Variants in CHRM3 observed in about 807,000 individuals in gnomAD.
The protein encoded by CHRM3 is cholinergic receptor muscarinic 3, also known as muscarinic acetylcholine receptor M3.
In CHRM3, 11 loss-of-function variants were observed where a neutral mutation model predicts 41.8. That is an observed-to-expected ratio of 0.26 (90% CI 0.17 to 0.44). The LOEUF (loss-of-function observed/expected upper bound fraction) is 0.44, where lower values mean the gene tolerates loss of function less well. Ranked by LOEUF, CHRM3 falls within the 20% of genes least tolerant of loss-of-function variation. The pLI is 1.00. For missense variants in CHRM3, 571 were observed against 745.4 expected, an observed-to-expected ratio of 0.77 and a Z score of 2.72; for synonymous variants, 297 against 301.4, an observed-to-expected ratio of 0.99 and a Z score of 0.15.
At chr1:239,551,311 C>T (rs1365821349) in intron 3 of CHRM3, among the ~76,000 whole-genome samples, 2 of 151,414 alleles carry the variant, frequency 1.3e-5, no homozygotes, top group Non-Finnish European at 1.5e-5. Context: ...TACAGCCATG[C>T]ACCACCACGC....
At chr1:239,790,436 C>T (rs1461246625) in intron 5 of CHRM3, among the ~76,000 whole-genome samples, 2 of 152,166 alleles carry the variant, frequency 1.3e-5, no homozygotes. Context: ...GAATAAATCT[C>T]ATGAGATCTG....
At chr1:239,652,316 G>C (rs776353065) in intron 4 of CHRM3, among the ~76,000 whole-genome samples, 2 of 152,116 alleles carry the variant, frequency 1.3e-5, no homozygotes, top group African/African-American at 4.8e-5. Context: ...TGTCATTGAG[G>C]TTAGAAATGT....
intron 5 of CHRM3, among the ~76,000 whole-genome samples, chr1:239,689,177 C>A (rs933910326): frequency 2.0e-5 from 3 of 151,808 alleles, no homozygotes; most frequent in South Asian, 4.2e-4. Context: ...TTTTCAATAA[C>A]AATTAGAGTA....
chr1:239,493,070 G>A (rs1397497515), intron 2 of CHRM3, among the ~76,000 whole-genome samples: 1 of 152,316 alleles, frequency 6.6e-6, no homozygotes, highest in Non-Finnish European at 1.5e-5. Context: ...GACTGTAGCT[G>A]AACTGAAGTT....
chr1:239,900,167 TGA>T (rs1489717383), intron 6 of CHRM3, among the ~76,000 whole-genome samples: 1 of 152,160 alleles, frequency 6.6e-6, no homozygotes, highest in Non-Finnish European at 1.5e-5. Context: ...TGAGTCAGGA[TGA>T]GGAAGGAATA....
chr1:239,852,211 G>C (rs1164701494), intron 6 of CHRM3, among the ~76,000 whole-genome samples: 2 of 152,062 alleles, frequency 1.3e-5, no homozygotes, highest in Non-Finnish European at 2.9e-5. Context: ...TTTGGGAAAG[G>C]ATTTAAAAGA....
At chr1:239,782,466 G>A (rs974483389) in intron 5 of CHRM3, among the ~76,000 whole-genome samples, 1 of 151,918 alleles carries the variant, frequency 6.6e-6, no homozygotes, top group Admixed American at 6.6e-5. Context: ...CTCCTCTCTC[G>A]ATTATGATTT....
At chr1:239,469,608 A>G (rs1352389736) in intron 1 of CHRM3, among the ~76,000 whole-genome samples, 1 of 152,008 alleles carries the variant, frequency 6.6e-6, no homozygotes, top group Admixed American at 6.6e-5. Context: ...CCAGGCTGGA[A>G]TGCAATGGCA....
chr1:239,724,524 T>A (rs1328976703), intron 5 of CHRM3, among the ~76,000 whole-genome samples: 1 of 151,958 alleles, frequency 6.6e-6, no homozygotes, highest in Non-Finnish European at 1.5e-5. Context: ...AAAATGCATA[T>A]ATCAGTAGGG....
At chr1:239,737,214 A>G (rs568730139) in intron 5 of CHRM3, among the ~76,000 whole-genome samples, 1 of 152,160 alleles carries the variant, frequency 6.6e-6, no homozygotes, top group Non-Finnish European at 1.5e-5. Context: ...TTTTCATCCC[A>G]CATTTTAATA....
At chr1:239,603,406 T>C (rs569140967) in intron 3 of CHRM3, among the ~76,000 whole-genome samples, 18 of 152,250 alleles carry the variant, frequency 1.2e-4, no homozygotes, top group African/African-American at 4.1e-4. Context: ...CATTCAGTGA[T>C]AGGCAAGGTC....
At position 239,907,196 on chromosome 1, in the gene CHRM3, A is replaced by G. The variant is rs1386181889; in HGVS notation, c.-19-237A>G. 6.6e-6 allele frequency among the ~76,000 whole-genome samples: 1 copy of G among 152,214 alleles called. No homozygotes were observed. Among genetic ancestry groups the G allele is most frequent in the Non-Finnish European group, 1.5e-5 (1 of 68,028 alleles). On this transcript the variant is annotated intron_variant, in intron 6 of 6. Coordinates refer to ENST00000676153, the MANE Select transcript of CHRM3 (RefSeq NM_001375978.1). The surrounding 1 kb of genome is among the most constrained non-coding windows in gnomAD (Gnocchi z 5.4). ...TATTTAGAAATGAGAAAAATGTGGG[A>G]AAAAAGCACAATGTTCAGTGCATGC...
chr1:239,707,103 C>G (rs910154091), intron 5 of CHRM3: 4 of 152,130 alleles, frequency 2.6e-5, no homozygotes, highest in African/African-American at 9.7e-5. Context: ...AATGAACGAA[C>G]CTTACAGACT....
At chr1:239,436,042 A>G (rs1663240148) in intron 1 of CHRM3, among the ~76,000 whole-genome samples, 1 of 152,158 alleles carries the variant, frequency 6.6e-6, no homozygotes, top group Admixed American at 6.5e-5. Context: ...GTGGAAGACA[A>G]TGTGAATAAT....
chr1:239,620,203 A>C (rs1308383402), intron 3 of CHRM3, among the ~76,000 whole-genome samples: 1 of 152,130 alleles, frequency 6.6e-6, no homozygotes, highest in Non-Finnish European at 1.5e-5. Flanking sequence ...GTTTTTACTC[A>C]ATATGACAGA....
At chr1:239,772,390 A>G (rs185677000) in intron 5 of CHRM3, among the ~76,000 whole-genome samples, 1,628 of 152,280 alleles carry the variant, frequency 0.011, 18 homozygotes, top group Non-Finnish European at 0.017. Context: ...ACCTCAGGTG[A>G]TCCGGCCACC....
intron 1 of CHRM3, among the ~76,000 whole-genome samples, chr1:239,482,299 G>T (rs565621389): frequency 1.5e-4 from 22 of 151,522 alleles, no homozygotes; most frequent in African/African-American, 5.3e-4. Flanking sequence ...ACTTTTTTTT[G>T]AAACTTCTGT....
intron 1 of CHRM3, among the ~76,000 whole-genome samples, chr1:239,403,774 A>C (rs886969552): frequency 6.6e-6 from 1 of 151,952 alleles, no homozygotes; most frequent in Non-Finnish European, 1.5e-5. Flanking sequence ...CGTATACATC[A>C]TAATCATATG....
rs529078218 is a variant in CHRM3, at chr1:239,834,471, C to T, written c.-20+7093C>T. Reference sequence around the variant, plus strand: ...TAGGGGACTTACTTATTCTCTCTCTCCCTGCACCATAGACCTTTAGGCAAT... The same window carrying T: ...TAGGGGACTTACTTATTCTCTCTCTTCCTGCACCATAGACCTTTAGGCAAT... On this transcript the variant is annotated intron_variant, in intron 6 of 6. Coordinates refer to ENST00000676153, the MANE Select transcript of CHRM3 (RefSeq NM_001375978.1). 4.1e-4 allele frequency among the ~76,000 whole-genome samples: 62 copies of T among 152,172 alleles called. 1 individual carries two copies. The highest frequency in any genetic ancestry group is 1.4e-3 in the Admixed American group (22 of 15,282).
Sources: gnomAD v4.1 joint callset for allele counts (sites outside exome capture counted in the v4.1 genomes callset) on GRCh38, gnomAD v4.1.1 for gene constraint, Gnocchi (gnomAD v3.1) non-coding constraint, MANE v1.5 for transcripts, NCBI Gene and HGNC (gene_info 2026-07-23, HGNC 2026-07-21) for gene names.